Variants in CDH18 observed in about 807,000 individuals in gnomAD.
CDH18 encodes cadherin-18.
In CDH18, 31 loss-of-function variants were observed where a neutral mutation model predicts 67.9. The observed-to-expected ratio is 0.46, with a 90% CI of 0.34 to 0.62. The LOEUF (loss-of-function observed/expected upper bound fraction) is 0.62, where lower values mean the gene tolerates loss of function less well. Among genes scored for constraint, CDH18 ranks in the 20% least tolerant of loss-of-function variants. The pLI is 0.01. For synonymous variants in CDH18, 362 were observed against 347.2 expected, an observed-to-expected ratio of 1.04 and a Z score of -0.48; for missense variants, 890 against 975.5, an observed-to-expected ratio of 0.91 and a Z score of 1.17.
chr5:19,688,813 G>A (rs565183798), intron 5 of CDH18, among the ~76,000 whole-genome samples: 4 of 151,922 alleles, frequency 2.6e-5, no homozygotes, highest in African/African-American at 7.3e-5. Context: ...CATGTCCTAC[G>A]TGAGAAATTC....
At chr5:19,495,765 T>C (rs1742225315) in intron 11 of CDH18, among the ~76,000 whole-genome samples, 1 of 138,994 alleles carries the variant, frequency 7.2e-6, no homozygotes, top group African/African-American at 2.7e-5. Flanking sequence ...GAAAAGAATA[T>C]CTCCACTTAT....
At position 19,598,648 on chromosome 5, in the gene CDH18, T is replaced by C. The variant is rs1328145395; in HGVS notation, c.812-7404A>G. ...AAATGATAATTGTATTTTTAAAATA[T>C]CAATTTGATAACAAAATTAAATTAT... On this transcript the variant is annotated intron_variant, in intron 6 of 12. Coordinates refer to ENST00000382275, the MANE Select transcript of CDH18 (RefSeq NM_004934.5). 2.0e-5 allele frequency among the ~76,000 whole-genome samples: 3 copies of C among 152,152 alleles called. No individual in the cohort carries two copies. The East Asian group carries it at 5.8e-4, about 29-fold the overall frequency.
intron 3 of CDH18, among the ~76,000 whole-genome samples, chr5:19,790,811 G>A (rs1776279801): frequency 6.6e-6 from 1 of 152,100 alleles, no homozygotes. Context: ...GGTGAAAAAT[G>A]ATGGCAAATA....
chr5:19,596,743 A>T (rs921414244), intron 6 of CDH18, among the ~76,000 whole-genome samples: 5 of 152,234 alleles, frequency 3.3e-5, no homozygotes, highest in African/African-American at 1.2e-4. Flanking sequence ...TATAGAAAAA[A>T]AACCTGATAA....
rs373996533 is a variant in CDH18, at chr5:19,572,894, T to A, written c.1000-1062A>T. 4.5e-4 allele frequency among the ~76,000 whole-genome samples: 69 copies of A among 152,230 alleles called. 1 individual carries two copies. The South Asian group carries it at 0.013, about 29-fold the overall frequency. ...GTAAACAGAATGATCAGTACTATAA[T>A]ACTTATAATAAGTTCCCCAATTTTT... On this transcript the variant is annotated intron_variant, in intron 7 of 12. Coordinates refer to ENST00000382275, the MANE Select transcript of CDH18 (RefSeq NM_004934.5).
chr5:20,278,930 G>T (rs538168251), intron 1 of CDH18, among the ~76,000 whole-genome samples: 1 of 151,688 alleles, frequency 6.6e-6, no homozygotes, highest in East Asian at 1.9e-4. Flanking sequence ...CATGACCAGA[G>T]AAACTAAAAA....
chr5:20,370,650 T>A (rs4435868), intron 1 of CDH18, among the ~76,000 whole-genome samples: 31,314 of 152,184 alleles, frequency 0.21, 3,411 homozygotes, highest in East Asian at 0.3. Context: ...CAGGAGAGAA[T>A]GCCATACTTA....
At chr5:20,153,890 T>C (rs1289987023) in intron 2 of CDH18, among the ~76,000 whole-genome samples, 1 of 152,212 alleles carries the variant, frequency 6.6e-6, no homozygotes, top group Non-Finnish European at 1.5e-5. Context: ...GCTTCCAAAC[T>C]GGAATTGGTG....
rs1760679868 is a variant in CDH18 at position 19,683,838 on chromosome 5, T to C, written c.643+37509A>G. ...CTGAGATAATTCCTCTCTATATATA[T>C]TGTTCACACGTGTCCCCTGTTTCAC... On this transcript the variant is annotated intron_variant, in intron 5 of 12. Transcript: ENST00000382275. Among the ~76,000 whole-genome samples the C allele has an allele frequency of 1.3e-5, 2 of 152,006 alleles. 1 individual carries two copies. The highest frequency in any genetic ancestry group is 4.1e-4 in the South Asian group (2 of 4,830).
intron 2 of CDH18, among the ~76,000 whole-genome samples, chr5:20,196,923 A>G (rs6879939): frequency 0.51 from 77,553 of 152,086 alleles, 20,185 homozygotes; most frequent in Middle Eastern, 0.65. Flanking sequence ...GTATGGTTTA[A>G]GTGAATGCCA....
chr5:19,669,201 A>G (rs1335597131), intron 5 of CDH18, among the ~76,000 whole-genome samples: 9 of 146,506 alleles, frequency 6.1e-5, no homozygotes, highest in Admixed American at 4.8e-4. Context: ...ATAATATATG[A>G]TGTAATATAA....
chr5:20,285,382 T>C (rs1376074701), intron 1 of CDH18, among the ~76,000 whole-genome samples: 1 of 21,546 alleles, frequency 4.6e-5, no homozygotes, highest in African/African-American at 1.5e-4. Context: ...AATATGGCCA[T>C]ATAATATAAT....
At chr5:20,304,265 C>T (rs1736214654) in intron 1 of CDH18, 8 of 1,600,176 alleles carry the variant, frequency 5.0e-6, no homozygotes, top group South Asian at 4.4e-5. Flanking sequence ...GGTGTCTGCC[C>T]GCACCAAAAG....
chr5:19,543,376 C>T (rs1735743051), intron 9 of CDH18, among the ~76,000 whole-genome samples: 1 of 152,028 alleles, frequency 6.6e-6, no homozygotes, highest in South Asian at 2.1e-4. Context: ...TGAAGAGAGC[C>T]TAAACCTGGC....
chr5:20,333,277 G>A (rs1389822215), intron 1 of CDH18, among the ~76,000 whole-genome samples: 1 of 151,946 alleles, frequency 6.6e-6, no homozygotes, highest in Non-Finnish European at 1.5e-5. Context: ...GGGAGGCCGA[G>A]GCTGGCAGAT....
At chr5:20,474,606 G>T (rs1752309845) in intron 1 of CDH18, among the ~76,000 whole-genome samples, 1 of 152,038 alleles carries the variant, frequency 6.6e-6, no homozygotes, top group South Asian at 2.1e-4. Flanking sequence ...AAGTTGACCT[G>T]CAGAGAAAAA....
At chr5:20,569,175 G>C (rs1309061063) in intron 1 of CDH18, among the ~76,000 whole-genome samples, 1 of 152,196 alleles carries the variant, frequency 6.6e-6, no homozygotes. Context: ...TATAATATTA[G>C]AACATGAGAC....
intron 2 of CDH18, among the ~76,000 whole-genome samples, chr5:19,925,592 G>A (rs1003255703): frequency 3.3e-5 from 5 of 151,856 alleles, no homozygotes; most frequent in African/African-American, 4.8e-5. Flanking sequence ...GGGTTCAAGC[G>A]ATTCTCTGCC....
intron 8 of CDH18, among the ~76,000 whole-genome samples, chr5:19,547,844 G>A (rs1269191387): frequency 6.6e-6 from 1 of 152,094 alleles, no homozygotes; most frequent in Non-Finnish European, 1.5e-5. Flanking sequence ...ATTGAATTTT[G>A]ACTCAAGTAG....
Sources: allele counts gnomAD v4.1 joint callset (sites outside exome capture counted in the v4.1 genomes callset), GRCh38; gene constraint gnomAD v4.1.1; transcripts MANE v1.5; gene names NCBI Gene and HGNC (gene_info 2026-07-23, HGNC 2026-07-21).